The following KTN1 variants were observed in gnomAD, a reference collection of about 807,000 sequenced individuals.
The protein encoded by KTN1 is kinectin.
Under a neutral mutation model 222.5 loss-of-function variants are expected in KTN1, and 130 were observed. The ratio of observed to expected loss-of-function variants is 0.58; its 90% CI spans 0.51 to 0.68. The LOEUF is 0.68. Among genes scored for constraint, KTN1 ranks in the 30% least tolerant of loss-of-function variants. The pLI is 0.00. For missense variants in KTN1, 1,508 were observed against 1,500.4 expected, an observed-to-expected ratio of 1.01 and a Z score of -0.08; for synonymous variants, 512 against 496.3, an observed-to-expected ratio of 1.03 and a Z score of -0.42.
chr14:55,669,543 T>C (rs1419013555), intron 34 of KTN1, among the ~76,000 whole-genome samples: 1 of 151,892 alleles, frequency 6.6e-6, no homozygotes, highest in Non-Finnish European at 1.5e-5. Flanking sequence ...TATATAAATT[T>C]TTTTACTGTT....
At position 55,652,893 on chromosome 14, in the gene KTN1, T is replaced by A; in HGVS notation, c.2647T>A (p.Leu883Met). Residue 883 changes from leucine to methionine, a missense_variant, in exon 26 of 44, where the codon TTG (leucine) becomes ATG (methionine). Physicochemically the swap from Leu to Met is conservative, Grantham distance 15. Coordinates refer to ENST00000395314, the MANE Select transcript of KTN1 (RefSeq NM_001079521.2). Reference protein sequence around the residue: ...EEQMNTMKAVLEEKEKDLANT... With the variant: ...EEQMNTMKAVMEEKEKDLANT... ...ACAGATGAATACCATGAAGGCTGTT[T>A]TGGAAGAGAAAGAGAAAGACCTAGC... 1.2e-6 allele frequency: 2 copies of A among 1,611,514 alleles called. No individual in the cohort carries two copies. The highest frequency in any genetic ancestry group is 1.7e-6 in the Non-Finnish European group (2 of 1,178,344).
At chr14:55,615,926 T>C (rs1228433577) in intron 2 of KTN1, among the ~76,000 whole-genome samples, 1 of 151,836 alleles carries the variant, frequency 6.6e-6, no homozygotes, top group Non-Finnish European at 1.5e-5. Flanking sequence ...TTCTTTCCTT[T>C]TTCTTTCGAC....
intron 10 of KTN1, 55 bp from the exon 11 acceptor site, chr14:55,637,143 T>C (rs1322127360): frequency 7.6e-7 from 1 of 1,321,798 alleles, no homozygotes; most frequent in Non-Finnish European, 1.0e-6. Context: ...GAAAGATGAG[T>C]ATGAGTAACT....
chr14:55,630,012 G>T lies in KTN1; in HGVS notation c.1136G>T (p.Arg379Leu), dbSNP rs753447264. Residue 379 changes from arginine (R) to leucine (L), a missense_variant, in exon 7 of 44, where the codon CGA (arginine) becomes CTA (leucine). Arg to Leu is a moderately radical substitution (Grantham distance 102, BLOSUM62 -2). Coordinates refer to ENST00000395314, the MANE Select transcript of KTN1 (RefSeq NM_001079521.2). The part of the protein sequence containing the change: ...SNVVITRMKD[R>L]IGTLEKEHNV... ...GTGGTTATAACAAGGATGAAAGATC[G>T]AATTGGAACATTAGAAAAGGAACAT... 3.1e-6 allele frequency: 5 copies of T among 1,601,552 alleles called. No individual in the cohort carries two copies. The Admixed American group carries it at 6.7e-5, about 21-fold the overall frequency.
chr14:55,668,868 A>G (rs1286324141), intron 34 of KTN1: 1 of 152,096 alleles, frequency 6.6e-6, no homozygotes, highest in Non-Finnish European at 1.5e-5. Flanking sequence ...ATTTATTTCA[A>G]GTAAGGAGAG....
chr14:55,673,780 T>C (rs983915302), intron 40 of KTN1: 1 of 152,186 alleles, frequency 6.6e-6, no homozygotes. Flanking sequence ...AACATATTAT[T>C]TAGAGTATAG....
chr14:55,652,589 C>T (rs113893285), intron 25 of KTN1, among the ~76,000 whole-genome samples: 4,892 of 151,884 alleles, frequency 0.032, 130 homozygotes, highest in South Asian at 0.051. Context: ...TTAGTAGAGA[C>T]GGGGTTTCAC....
intron 25 of KTN1, among the ~76,000 whole-genome samples, 190 bp from the exon 26 acceptor site, chr14:55,652,660 A>C (rs138501811): frequency 6.6e-6 from 1 of 152,148 alleles, no homozygotes; most frequent in Admixed American, 6.5e-5. Flanking sequence ...TGGCCTCCCA[A>C]AGTGTTGGGA....
chr14:55,642,944 C>T (rs1299261835), intron 18 of KTN1, among the ~76,000 whole-genome samples: 1 of 150,620 alleles, frequency 6.6e-6, no homozygotes, highest in Non-Finnish European at 1.5e-5. Flanking sequence ...GAGTCTTCCT[C>T]TGTTGCCCAG....
intron 1 of KTN1, among the ~76,000 whole-genome samples, chr14:55,604,013 C>T (rs186844863): frequency 5.3e-5 from 8 of 152,236 alleles, no homozygotes; most frequent in African/African-American, 1.7e-4. Flanking sequence ...CAGTTGTCAC[C>T]TAACAGTTCT....
chr14:55,592,637 G>T (rs1449361656), intron 1 of KTN1, among the ~76,000 whole-genome samples: 1 of 152,118 alleles, frequency 6.6e-6, no homozygotes, highest in Middle Eastern at 3.2e-3. Flanking sequence ...AGAAACTTTG[G>T]ATAGTTATTC....
chr14:55,661,017 T>G (rs944882232), intron 31 of KTN1, among the ~76,000 whole-genome samples: 1 of 152,148 alleles, frequency 6.6e-6, no homozygotes, highest in Non-Finnish European at 1.5e-5. Context: ...TGGGAAACAG[T>G]AGCAGAAAAA....
chr14:55,627,303 G>T (rs767335896), intron 5 of KTN1, among the ~76,000 whole-genome samples: 5 of 152,020 alleles, frequency 3.3e-5, no homozygotes, highest in Non-Finnish European at 7.4e-5. Flanking sequence ...CAACATTAAA[G>T]AGATTTTTCT....
intron 1 of KTN1, among the ~76,000 whole-genome samples, chr14:55,592,160 T>C (rs1053005689): frequency 6.6e-6 from 1 of 152,224 alleles, no homozygotes; most frequent in Non-Finnish European, 1.5e-5. Context: ...ACTTTGTGTC[T>C]AGTTTAAGAA....
chr14:55,581,135 G>A (rs1318495332), intron 1 of KTN1, among the ~76,000 whole-genome samples: 1 of 152,208 alleles, frequency 6.6e-6, no homozygotes, highest in East Asian at 1.9e-4. Flanking sequence ...AAAACTACGC[G>A]GGAAGTCTAG....
rs774419235 is a variant in KTN1, at chr14:55,616,585, C to T, written c.592C>T (p.Gln198Ter). The T allele has an allele frequency of 1.2e-6, 2 of 1,607,872 alleles. No individual in the cohort carries two copies. The highest frequency in any genetic ancestry group is 1.7e-6 in the Non-Finnish European group (2 of 1,177,980). The part of the protein sequence containing the change: ...SKRQEALPLH[Q>*]ETKQESGSGK... ...AAGGCAAGAAGCATTGCCCCTCCAC[C>T]AAGAGACTAAACAAGAAAGTGGATC... is the stretch of plus-strand genomic sequence containing the variant. Residue 198 changes from glutamine to a stop codon, truncating the protein, a stop_gained, in exon 3 of 44, where the codon CAA (glutamine) becomes TAA (stop). Transcript: ENST00000395314. LOFTEE classifies it high-confidence loss of function.
At chr14:55,597,851 CA>C (rs141909721) in intron 1 of KTN1, among the ~76,000 whole-genome samples, 11,658 of 139,798 alleles carry the variant, frequency 0.083, 492 homozygotes, top group South Asian at 0.12. Context: ...GACCCTATCT[CA>C]AAAAAAAAAA....
intron 43 of KTN1, chr14:55,680,906 A>G: frequency 2.7e-6 from 1 of 372,784 alleles, no homozygotes; most frequent in Middle Eastern, 9.7e-4. Context: ...TTTCCAAATT[A>G]GGAAATAACC....
chr14:55,604,594 C>T (rs1188151380), intron 1 of KTN1, among the ~76,000 whole-genome samples: 1 of 152,162 alleles, frequency 6.6e-6, no homozygotes, highest in Non-Finnish European at 1.5e-5. Context: ...ATACTGCATA[C>T]TAATTGTTGG....
Sources: allele counts gnomAD v4.1 joint callset (sites outside exome capture counted in the v4.1 genomes callset), GRCh38; gene constraint gnomAD v4.1.1; transcripts MANE v1.5; gene names NCBI Gene and HGNC (gene_info 2026-07-23, HGNC 2026-07-21).